Variants in CNTNAP2 observed in about 807,000 individuals in gnomAD.
CNTNAP2 encodes the protein contactin associated protein 2.
A neutral mutation model predicts 155.2 loss-of-function variants in CNTNAP2; 98 were observed. That is an observed-to-expected ratio of 0.63 (90% CI 0.54 to 0.75). The LOEUF is 0.75. Ranked by LOEUF, CNTNAP2 falls within the 30% of genes least tolerant of loss-of-function variation. The pLI, the probability that CNTNAP2 is intolerant of heterozygous loss-of-function variation, is 0.00. For missense variants in CNTNAP2, 1,727 were observed against 1,688.1 expected (o/e 1.02, Z -0.40); for synonymous variants, 651 against 631.2 (o/e 1.03, Z -0.47).
chr7:146,819,796 G>A (rs1803240878), intron 2 of CNTNAP2, among the ~76,000 whole-genome samples: 1 of 152,108 alleles, frequency 6.6e-6, no homozygotes, highest in Non-Finnish European at 1.5e-5. Context: ...AACTCAGAAT[G>A]TCTAGAAGTC....
chr7:146,758,655 G>A (rs13231670), intron 1 of CNTNAP2, among the ~76,000 whole-genome samples: 8,884 of 152,196 alleles, frequency 0.058, 340 homozygotes, highest in Non-Finnish European at 0.078. Flanking sequence ...ATCAGATCTT[G>A]TGATAGTTAT....
At chr7:147,157,818 G>A (rs1203212247) in intron 8 of CNTNAP2, among the ~76,000 whole-genome samples, 1 of 151,990 alleles carries the variant, frequency 6.6e-6, no homozygotes, top group Non-Finnish European at 1.5e-5. Flanking sequence ...AGTCCACCCA[G>A]ATTCCAATGT....
chr7:147,273,954 AT>A lies in CNTNAP2; in HGVS notation c.1349-26186del, dbSNP rs1804827937. Among the ~76,000 whole-genome samples, 5 of 148,204 alleles carry A rather than the reference AT, an allele frequency of 3.4e-5. No homozygotes were observed. The Admixed American group carries it at 3.4e-4, about 10-fold the overall frequency. Reference sequence around the variant, plus strand: ...ATATGTAATATCTATTTTATGTAATATATTACATAACATATATTACATGTAT... The same window carrying A: ...ATATGTAATATCTATTTTATGTAATAATTACATAACATATATTACATGTAT... On this transcript the variant is annotated intron_variant, in intron 8 of 23. Transcript: ENST00000361727.
At chr7:146,448,819 T>C (rs564242396) in intron 1 of CNTNAP2, among the ~76,000 whole-genome samples, 6 of 152,114 alleles carry the variant, frequency 3.9e-5, no homozygotes, top group Non-Finnish European at 8.8e-5. Flanking sequence ...GTTAAAAACG[T>C]CACCCATCAG....
chr7:146,933,246 A>C lies in CNTNAP2; in HGVS notation c.402+93342A>C, dbSNP rs570304080. ...TACTGGTACCAAAATAGAGATATAG[A>C]TCAATGGAACAGAACAGAGCCCTCA... is the stretch of plus-strand genomic sequence containing the variant. On this transcript the variant is annotated intron_variant, in intron 3 of 23. Coordinates refer to ENST00000361727, the MANE Select transcript of CNTNAP2 (RefSeq NM_014141.6). Among the ~76,000 whole-genome samples, 323 of 152,164 alleles carry C rather than the reference A, an allele frequency of 2.1e-3. 1 individual carries two copies. The highest frequency in any genetic ancestry group is 7.6e-3 in the African/African-American group (314 of 41,434).
At chr7:147,422,361 T>C (rs528364358) in intron 10 of CNTNAP2, among the ~76,000 whole-genome samples, 1 of 151,470 alleles carries the variant, frequency 6.6e-6, no homozygotes, top group African/African-American at 2.4e-5. Context: ...TGTATGTGTA[T>C]ATATACGGTA....
chr7:147,427,258 T>G (rs1194542612), intron 10 of CNTNAP2, among the ~76,000 whole-genome samples: 2 of 152,126 alleles, frequency 1.3e-5, no homozygotes, highest in Non-Finnish European at 2.9e-5. Flanking sequence ...AAGTCACACT[T>G]CTTAATACAG....
intron 10 of CNTNAP2, among the ~76,000 whole-genome samples, chr7:147,396,472 C>T (rs1246326812): frequency 6.6e-6 from 1 of 151,878 alleles, no homozygotes; most frequent in Non-Finnish European, 1.5e-5. Context: ...TTTAGAGTAA[C>T]TGGTTCAGCT....
intron 1 of CNTNAP2, among the ~76,000 whole-genome samples, chr7:146,154,881 TAC>T: frequency 6.6e-6 from 1 of 152,336 alleles, no homozygotes; most frequent in African/African-American, 2.4e-5. Flanking sequence ...GAGAGTTTTA[TAC>T]TCTTCAGGGG....
chr7:146,646,195 C>A (rs1248843742), intron 1 of CNTNAP2, among the ~76,000 whole-genome samples: 2 of 152,134 alleles, frequency 1.3e-5, no homozygotes, highest in African/African-American at 4.8e-5. Flanking sequence ...TTAGAAAAAT[C>A]CTCCTTTTAG....
At chr7:147,392,466 G>A (rs1048890863) in intron 9 of CNTNAP2, among the ~76,000 whole-genome samples, 9 of 151,770 alleles carry the variant, frequency 5.9e-5, no homozygotes, top group East Asian at 3.9e-4. Context: ...TCACCTTAGC[G>A]GTATACACTG....
At chr7:147,909,473 C>T (rs537622414) in intron 14 of CNTNAP2, among the ~76,000 whole-genome samples, 6 of 152,256 alleles carry the variant, frequency 3.9e-5, no homozygotes, top group South Asian at 4.1e-4. Context: ...GGTCTCACAA[C>T]GAAGCTGCAA....
At chr7:146,674,234 A>G in intron 1 of CNTNAP2, among the ~76,000 whole-genome samples, 1 of 152,158 alleles carries the variant, frequency 6.6e-6, no homozygotes, top group South Asian at 2.1e-4. Flanking sequence ...ACTGCCTTAG[A>G]GAGTTTAATG....
intron 4 of CNTNAP2, chr7:147,081,355 G>A (rs965896498): frequency 6.6e-6 from 1 of 151,494 alleles, no homozygotes; most frequent in South Asian, 2.1e-4. Flanking sequence ...TTTGTCTCTT[G>A]AGTCTACGCC....
intron 1 of CNTNAP2, among the ~76,000 whole-genome samples, chr7:146,698,769 C>T (rs1321018763): frequency 6.6e-6 from 1 of 152,074 alleles, no homozygotes; most frequent in Non-Finnish European, 1.5e-5. Context: ...GCACATTACA[C>T]ATTTCGTAAC....
At chr7:147,960,326 G>A (rs1411987110) in intron 14 of CNTNAP2, among the ~76,000 whole-genome samples, 1 of 152,152 alleles carries the variant, frequency 6.6e-6, no homozygotes, top group Non-Finnish European at 1.5e-5. Context: ...AGTTCTATGA[G>A]GAAGCTTTAT....
intron 1 of CNTNAP2, among the ~76,000 whole-genome samples, chr7:146,642,256 C>A (rs1044767130): frequency 1.3e-5 from 2 of 151,034 alleles, no homozygotes; most frequent in African/African-American, 4.9e-5. Flanking sequence ...GCACTGCACC[C>A]ATTAACTCAT....
chr7:147,197,242 T>C (rs1802823449), intron 8 of CNTNAP2, among the ~76,000 whole-genome samples: 1 of 152,098 alleles, frequency 6.6e-6, no homozygotes, highest in African/African-American at 2.4e-5. Context: ...ACGTAGGGTA[T>C]ACACCAAGTA....
At chr7:146,542,780 AC>A (rs1797970844) in intron 1 of CNTNAP2, among the ~76,000 whole-genome samples, 1 of 151,976 alleles carries the variant, frequency 6.6e-6, no homozygotes, top group Non-Finnish European at 1.5e-5. Context: ...GAATTACATG[AC>A]TTGTTTCTAG....
Sources: allele counts gnomAD v4.1 joint callset (sites outside exome capture counted in the v4.1 genomes callset), GRCh38; gene constraint gnomAD v4.1.1; transcripts MANE v1.5; gene names NCBI Gene and HGNC (gene_info 2026-07-23, HGNC 2026-07-21).